The following CTNNA2 variants were observed in gnomAD, a reference collection of about 807,000 sequenced individuals.
CTNNA2 encodes the protein catenin alpha 2.
In CTNNA2, 42 loss-of-function variants were observed where a neutral mutation model predicts 101.0. The observed-to-expected ratio is 0.42, with a 90% CI of 0.32 to 0.54. The LOEUF (loss-of-function observed/expected upper bound fraction) is 0.54, where lower values mean the gene tolerates loss of function less well. CTNNA2 is among the 20% of genes least tolerant of loss of function. CTNNA2 has a pLI of 0.14. For synonymous variants in CTNNA2, 450 were observed against 456.4 expected (o/e 0.99, Z 0.18); for missense variants, 871 against 1,223.1 (o/e 0.71, Z 4.29).
chr2:80,214,766 G>C (rs998223990), intron 7 of CTNNA2, among the ~76,000 whole-genome samples: 1 of 152,052 alleles, frequency 6.6e-6, no homozygotes, highest in Admixed American at 6.6e-5. Flanking sequence ...GAGTATCTTT[G>C]TGGCGTTCTC....
chr2:79,665,360 T>C (rs1002678998), intron 2 of CTNNA2, among the ~76,000 whole-genome samples: 1 of 152,226 alleles, frequency 6.6e-6, no homozygotes, highest in African/African-American at 2.4e-5. Flanking sequence ...TGTTTTAGTA[T>C]GCATGCATAC....
intron 2 of CTNNA2, among the ~76,000 whole-genome samples, chr2:79,664,751 T>G (rs1682287632): frequency 7.5e-6 from 1 of 133,168 alleles, no homozygotes; most frequent in African/African-American, 2.8e-5. Context: ...TCTCGCTGTC[T>G]CCCCGGTTGG....
intron 7 of CTNNA2, among the ~76,000 whole-genome samples, chr2:79,914,201 A>C (rs1271256991): frequency 6.6e-6 from 1 of 150,688 alleles, no homozygotes; most frequent in Admixed American, 6.6e-5. Context: ...AAAGTAGCTT[A>C]CTTGGCAATG....
chr2:80,123,256 C>T (rs773194192), intron 7 of CTNNA2, among the ~76,000 whole-genome samples: 2 of 152,114 alleles, frequency 1.3e-5, no homozygotes, highest in African/African-American at 4.8e-5. Flanking sequence ...TATGGAGAAA[C>T]CGGGTCGTCC....
At chr2:79,907,155 G>A (rs907621176) in intron 6 of CTNNA2, among the ~76,000 whole-genome samples, 11 of 152,194 alleles carry the variant, frequency 7.2e-5, no homozygotes, top group African/African-American at 2.6e-4. Flanking sequence ...AGAGTCTCCT[G>A]AAATCTTAAA....
intron 9 of CTNNA2, among the ~76,000 whole-genome samples, chr2:80,470,108 C>A (rs1443670694): frequency 6.6e-6 from 1 of 152,244 alleles, no homozygotes; most frequent in East Asian, 1.9e-4. Context: ...TCATTCAGAG[C>A]CCACATCCAG....
At chr2:79,792,471 G>A (rs146443133) in intron 3 of CTNNA2, among the ~76,000 whole-genome samples, 1 of 152,182 alleles carries the variant, frequency 6.6e-6, no homozygotes, top group Non-Finnish European at 1.5e-5. Flanking sequence ...TTAGCTTGCA[G>A]TGTAATGTCT....
At chr2:79,792,042 G>A (rs1292392130) in intron 3 of CTNNA2, among the ~76,000 whole-genome samples, 1 of 152,176 alleles carries the variant, frequency 6.6e-6, no homozygotes, top group Non-Finnish European at 1.5e-5. Flanking sequence ...AGTTGTGGAT[G>A]CAAATACCAA....
chr2:80,310,991 T>A (rs4344953), intron 7 of CTNNA2, among the ~76,000 whole-genome samples: 11,018 of 138,828 alleles, frequency 0.079, 591 homozygotes, highest in East Asian at 0.16. Context: ...AAAAAAAAAA[T>A]GTAAATAGAG....
At chr2:80,592,537 C>G (rs1178404307) in intron 15 of CTNNA2, among the ~76,000 whole-genome samples, 1 of 152,192 alleles carries the variant, frequency 6.6e-6, no homozygotes, top group Non-Finnish European at 1.5e-5. Context: ...TTCTGCAGTT[C>G]CACCTGAGTT....
chr2:80,534,025 G>A (rs762477714), intron 9 of CTNNA2, among the ~76,000 whole-genome samples: 16 of 152,054 alleles, frequency 1.1e-4, no homozygotes, highest in South Asian at 2.1e-4. Context: ...GCTATGAAGC[G>A]GGCACATCAA....
chr2:80,463,663 T>A (rs1340219981), intron 9 of CTNNA2, among the ~76,000 whole-genome samples: 1 of 152,174 alleles, frequency 6.6e-6, no homozygotes, highest in Non-Finnish European at 1.5e-5. Context: ...TGATGAAGCA[T>A]TTCCAATACA....
At position 80,465,276 on chromosome 2, in the gene CTNNA2, G is replaced by A. The variant is rs540557342; in HGVS notation, c.1290+45675G>A. Among the ~76,000 whole-genome samples, 7 of 152,228 alleles carry A rather than the reference G, an allele frequency of 4.6e-5. 1 individual carries two copies. The highest frequency in any genetic ancestry group is 1.7e-4 in the African/African-American group (7 of 41,546). On this transcript the variant is annotated intron_variant, in intron 9 of 18. Transcript: ENST00000402739. ...TAAATATATGCATTTTGTGATCAAGGGGTATGGTCTTAATACATATGTGCT... is the reference window on the plus strand; with the variant it reads ...TAAATATATGCATTTTGTGATCAAGAGGTATGGTCTTAATACATATGTGCT...
At chr2:79,738,777 T>C (rs996055377) in intron 2 of CTNNA2, among the ~76,000 whole-genome samples, 3 of 152,196 alleles carry the variant, frequency 2.0e-5, no homozygotes, top group Admixed American at 1.3e-4. Context: ...TTAAAGCAAA[T>C]TTCACTGGGC....
At chr2:80,421,818 A>C (rs929982157) in intron 9 of CTNNA2, among the ~76,000 whole-genome samples, 1 of 151,864 alleles carries the variant, frequency 6.6e-6, no homozygotes, top group African/African-American at 2.4e-5. Flanking sequence ...AAAAAAAAAA[A>C]AACCCAAACT....
upstream of CTNNA2, chr2:79,512,953 C>G (rs1671600958): frequency 6.6e-6 from 1 of 151,808 alleles, no homozygotes; most frequent in Admixed American, 6.6e-5. Flanking sequence ...ATCCGGGCCG[C>G]TGCCGCTCGC....
At chr2:80,068,862 C>T (rs1046962824) in intron 7 of CTNNA2, among the ~76,000 whole-genome samples, 1 of 152,236 alleles carries the variant, frequency 6.6e-6, no homozygotes, top group African/African-American at 2.4e-5. Context: ...ATGGAATGAG[C>T]CATGATGCGT....
At chr2:79,813,729 T>C (rs1018711711) in intron 3 of CTNNA2, among the ~76,000 whole-genome samples, 2 of 152,170 alleles carry the variant, frequency 1.3e-5, no homozygotes, top group African/African-American at 4.8e-5. Context: ...TTTCAAGTTC[T>C]TTCGAGAATC....
intron 3 of CTNNA2, among the ~76,000 whole-genome samples, chr2:79,335,639 T>C (rs1676977547): frequency 6.6e-6 from 1 of 152,230 alleles, no homozygotes; most frequent in African/African-American, 2.4e-5. Flanking sequence ...GTAAACATTC[T>C]ACGTCTTAGT....
Sources: allele counts gnomAD v4.1 joint callset (sites outside exome capture counted in the v4.1 genomes callset), GRCh38; gene constraint gnomAD v4.1.1; transcripts MANE v1.5; gene names NCBI Gene and HGNC (gene_info 2026-07-23, HGNC 2026-07-21).